The following NPSR1 variants were observed in gnomAD, a reference collection of about 807,000 sequenced individuals.
NPSR1 encodes neuropeptide S receptor 1, also known as neuropeptide S receptor.
A neutral mutation model predicts 46.9 loss-of-function variants in NPSR1; 48 were observed. The ratio of observed to expected loss-of-function variants is 1.02; its 90% CI spans 0.81 to 1.30. The LOEUF (loss-of-function observed/expected upper bound fraction) is 1.30. Ranked by LOEUF, NPSR1 falls within the 50% of genes most tolerant of loss-of-function variation. The probability of loss-of-function intolerance (pLI) is 0.00; values close to 1 mark genes in which losing one functional copy is unlikely to be tolerated. For synonymous variants in NPSR1, 176 were observed against 168.1 expected (o/e 1.05, Z -0.36); for missense variants, 450 against 449.5 (o/e 1.00, Z -0.01).
At chr7:34,764,875 G>A (rs930003970) in intron 2 of NPSR1, among the ~76,000 whole-genome samples, 1 of 152,152 alleles carries the variant, frequency 6.6e-6, no homozygotes, top group Non-Finnish European at 1.5e-5. Context: ...TAAGGCCCAG[G>A]CACACTGGCC....
chr7:34,791,100 TA>T (rs1787819758), intron 3 of NPSR1, among the ~76,000 whole-genome samples: 4 of 117,084 alleles, frequency 3.4e-5, no homozygotes, highest in African/African-American at 7.6e-5. Flanking sequence ...ATATATTATA[TA>T]TAATATGTTA....
intron 2 of NPSR1, chr7:34,750,677 A>G: frequency 1.4e-6 from 1 of 703,928 alleles, no homozygotes; most frequent in Non-Finnish European, 2.7e-6. Context: ...AAAAGAACTG[A>G]AGATGGACTC....
At chr7:34,859,168 A>G (rs545689384) in intron 8 of NPSR1, among the ~76,000 whole-genome samples, 1 of 151,846 alleles carries the variant, frequency 6.6e-6, no homozygotes, top group South Asian at 2.1e-4. Context: ...GCCATCATCT[A>G]TCATTAGCAT....
At chr7:34,817,981 G>A (rs866275956) in intron 4 of NPSR1, among the ~76,000 whole-genome samples, 5 of 152,088 alleles carry the variant, frequency 3.3e-5, no homozygotes, top group Non-Finnish European at 7.4e-5. Context: ...GGCAAAAACT[G>A]GAAGCATTCC....
chr7:34,730,685 C>T lies in NPSR1; in HGVS notation c.280+46001C>T, dbSNP rs549511561. Among the ~76,000 whole-genome samples the T allele has an allele frequency of 3.9e-5, 6 of 152,316 alleles. No homozygotes were observed. The South Asian group carries it at 8.3e-4, about 21-fold the overall frequency. On this transcript the variant is annotated intron_variant, in intron 2 of 8. Transcript: ENST00000360581. ...GAAGCCTTCTGGCTCATGTGCATGA[C>T]ACACCCCACCTAATTCTCAAGCTCC...
At chr7:34,821,244 T>C (rs1264425810) in intron 4 of NPSR1, among the ~76,000 whole-genome samples, 2 of 151,638 alleles carry the variant, frequency 1.3e-5, no homozygotes, top group Non-Finnish European at 2.9e-5. Flanking sequence ...AAGTGATTCT[T>C]GTGCCTCAGC....
intron 5 of NPSR1, among the ~76,000 whole-genome samples, chr7:34,833,339 C>T (rs1042578214): frequency 6.6e-6 from 1 of 152,142 alleles, no homozygotes; most frequent in African/African-American, 2.4e-5. Flanking sequence ...AGAAAACTTG[C>T]TGACACTTTT....
At chr7:34,685,929 G>A (rs1300176150) in intron 2 of NPSR1, 6 of 224,090 alleles carry the variant, frequency 2.7e-5, no homozygotes, top group East Asian at 1.7e-4. Flanking sequence ...TCCTATAACC[G>A]TAGAAGTAGA....
intron 3 of NPSR1, among the ~76,000 whole-genome samples, chr7:34,790,561 A>T (rs1181360113): frequency 6.6e-6 from 1 of 150,744 alleles, no homozygotes; most frequent in Non-Finnish European, 1.5e-5. Context: ...AAAGAAAGGC[A>T]TTCACATCAG....
At chr7:34,864,279 G>A (rs1791258312) in intron 8 of NPSR1, among the ~76,000 whole-genome samples, 1 of 151,274 alleles carries the variant, frequency 6.6e-6, no homozygotes, top group Non-Finnish European at 1.5e-5. Flanking sequence ...GTAGATGACG[G>A]GTTGATGGGT....
intron 2 of NPSR1, among the ~76,000 whole-genome samples, chr7:34,770,013 A>G (rs571950088): frequency 9.7e-4 from 148 of 152,336 alleles, no homozygotes; most frequent in African/African-American, 3.4e-3. Flanking sequence ...TCATTTGCTT[A>G]ATAGCAACTA....
chr7:34,843,659 C>T (rs1229728192), intron 6 of NPSR1, among the ~76,000 whole-genome samples: 1 of 152,156 alleles, frequency 6.6e-6, no homozygotes, highest in African/African-American at 2.4e-5. Flanking sequence ...AGCAGATGTG[C>T]TATACTTGTG....
chr7:34,735,112 A>C (rs1784607358), intron 2 of NPSR1, among the ~76,000 whole-genome samples: 1 of 152,246 alleles, frequency 6.6e-6, no homozygotes, highest in Admixed American at 6.5e-5. Flanking sequence ...ATGTGGATGA[A>C]GACCTGGTTG....
chr7:34,778,585 T>A lies in NPSR1; in HGVS notation c.384+20T>A, dbSNP rs759951847. 21 of 1,462,268 alleles carry A rather than the reference T, an allele frequency of 1.4e-5. No individual in the cohort carries two copies. The highest frequency in any genetic ancestry group is 1.9e-5 in the Non-Finnish European group (20 of 1,044,538). The allele number at this position is 1,462,268 out of a possible 1,614,324, so 90.6% of individuals were successfully genotyped here. Reference sequence around the variant, plus strand: ...TTGCAGGTATGTCACACCTTCCAAATGTGATGAGACAAACTGATACCAGAG... The same window carrying A: ...TTGCAGGTATGTCACACCTTCCAAAAGTGATGAGACAAACTGATACCAGAG... On this transcript the variant is annotated intron_variant, in intron 3 of 8. Transcript: ENST00000360581.
chr7:34,750,807 CT>C, intron 2 of NPSR1: 2 of 693,314 alleles, frequency 2.9e-6, no homozygotes, highest in Non-Finnish European at 5.5e-6. Context: ...TCAGTTTAGG[CT>C]GTGTGGAACC....
intron 1 of NPSR1, among the ~76,000 whole-genome samples, chr7:34,683,047 C>T (rs1258423013): frequency 1.3e-5 from 2 of 152,130 alleles, no homozygotes; most frequent in Non-Finnish European, 1.5e-5. Context: ...GTTCCAAGGC[C>T]CTGACCTCCA....
chr7:34,706,360 TCTAA>T (rs1279688499), intron 2 of NPSR1, among the ~76,000 whole-genome samples: 7 of 123,666 alleles, frequency 5.7e-5, no homozygotes, highest in Admixed American at 7.3e-5. Flanking sequence ...CTTCAGGAAC[TCTAA>T]CTGTCTGTCT....
rs551892109 is a variant in NPSR1 at position 34,849,097 on chromosome 7, A to G, written c.1025+434A>G. Among the ~76,000 whole-genome samples the G allele has an allele frequency of 2.2e-4, 33 of 152,240 alleles. No individual in the cohort carries two copies. In the South Asian group the frequency reaches 6.2e-3, roughly 29 times the overall value. ...CTGAAATTAAATCCCTCCCACAGTTATTGTCATTCTTCTGTTTTTCTGCTG... is the reference window on the plus strand; with the variant it reads ...CTGAAATTAAATCCCTCCCACAGTTGTTGTCATTCTTCTGTTTTTCTGCTG... On this transcript the variant is annotated intron_variant, in intron 8 of 8. Transcript: ENST00000360581.
In NPSR1 at chr7:34,670,141, A is replaced by G. The variant is rs192223249; in HGVS notation, c.147+11582A>G. On this transcript the variant is annotated intron_variant, in intron 1 of 8. Transcript: ENST00000360581. ...ATAATTTGAAATTTTTATTTAAAAA[A>G]TAGGTGAGAAAAGCTCAGAAATTTG... is the stretch of plus-strand genomic sequence containing the variant. Among the ~76,000 whole-genome samples the G allele has an allele frequency of 1.9e-4, 29 of 152,346 alleles. 1 individual carries two copies. Among genetic ancestry groups the G allele is most frequent in the African/African-American group, 6.0e-4 (25 of 41,584 alleles).
Sources: allele counts gnomAD v4.1 joint callset (sites outside exome capture counted in the v4.1 genomes callset), GRCh38; gene constraint gnomAD v4.1.1; transcripts MANE v1.5; gene names NCBI Gene and HGNC (gene_info 2026-07-23, HGNC 2026-07-21).